GXYLT1: variants seen among roughly 807,000 people sequenced by gnomAD.
The protein encoded by GXYLT1 is glycosyltransferase 8 domain containing 3.
GXYLT1 carries 29 observed loss-of-function variants against 54.0 expected under a neutral mutation model. That is an observed-to-expected ratio of 0.54 (90% CI 0.40 to 0.73). The LOEUF (loss-of-function observed/expected upper bound fraction) is 0.73, where lower values mean the gene tolerates loss of function less well. GXYLT1 is among the 30% of genes least tolerant of loss of function. The pLI is 0.00. For missense variants in GXYLT1, 490 were observed against 553.4 expected, an observed-to-expected ratio of 0.89 and a Z score of 1.15; for synonymous variants, 176 against 204.1, an observed-to-expected ratio of 0.86 and a Z score of 1.17.
chr12:42,126,125 G>A (rs2065560350), intron 2 of GXYLT1, among the ~76,000 whole-genome samples: 1 of 150,780 alleles, frequency 6.6e-6, no homozygotes, highest in African/African-American at 2.5e-5. Context: ...TCAGGCTGGA[G>A]TGCAGCGGTG....
chr12:42,100,430 TTTTTAAAAATTA>T (rs1416089684), intron 5 of GXYLT1, among the ~76,000 whole-genome samples: 1 of 152,132 alleles, frequency 6.6e-6, no homozygotes, highest in African/African-American at 2.4e-5. Context: ...TACTGAAAAT[TTTTTAAAAATTA>T]ATCTTTTGCC....
At chr12:42,109,310 G>T (rs1024788506) in intron 4 of GXYLT1, among the ~76,000 whole-genome samples, 1 of 152,034 alleles carries the variant, frequency 6.6e-6, no homozygotes, top group African/African-American at 2.4e-5. Flanking sequence ...AGAGTTCACC[G>T]CAACTGAATA....
chr12:42,111,044 T>C (rs938933149), intron 3 of GXYLT1, among the ~76,000 whole-genome samples: 3 of 152,204 alleles, frequency 2.0e-5, no homozygotes, highest in Non-Finnish European at 2.9e-5. Context: ...GTTTTACTTT[T>C]CTATTATATT....
In GXYLT1 at chr12:42,144,841, G is replaced by A. The variant is rs1006114098; in HGVS notation, c.-195C>T. 1 of 365,290 alleles carries A rather than the reference G, an allele frequency of 2.7e-6. No homozygotes were observed. Among genetic ancestry groups the A allele is most frequent in the Non-Finnish European group, 4.9e-6 (1 of 204,772 alleles). The allele number at this position is 365,290 out of a possible 1,614,324, so 22.6% of individuals were successfully genotyped here. On this transcript the variant is annotated 5_prime_UTR_variant, in exon 1 of 8. Coordinates refer to ENST00000398675, the MANE Select transcript of GXYLT1 (RefSeq NM_173601.2). ...GCGCAGTCGCGGCTCCGGAGCCGAA[G>A]GACTACCCGCCCGGAAGCCTGGACA...
intron 4 of GXYLT1, among the ~76,000 whole-genome samples, chr12:42,106,599 A>C (rs1391227077): frequency 6.6e-6 from 1 of 152,150 alleles, no homozygotes; most frequent in Non-Finnish European, 1.5e-5. Flanking sequence ...GTCCCAACGA[A>C]TCAAAGCAAA....
intron 1 of GXYLT1, among the ~76,000 whole-genome samples, chr12:42,132,426 T>C (rs1452524185): frequency 6.6e-6 from 1 of 152,226 alleles, no homozygotes; most frequent in Non-Finnish European, 1.5e-5. Flanking sequence ...TTTTGAAAAT[T>C]TGTGTTTCTA....
intron 4 of GXYLT1, among the ~76,000 whole-genome samples, chr12:42,106,870 T>A (rs1217653056): frequency 6.6e-6 from 1 of 150,882 alleles, no homozygotes; most frequent in African/African-American, 2.4e-5. Context: ...CTCAGCCTCC[T>A]GAGTAACTGG....
chr12:42,103,322 A>G (rs1683198), intron 5 of GXYLT1, among the ~76,000 whole-genome samples: 120,070 of 151,764 alleles, frequency 0.79, 48,034 homozygotes, highest in African/African-American at 0.91. Flanking sequence ...AGCCACAAGT[A>G]GTAAGAACCA....
rs1368541901 is a variant in GXYLT1, at chr12:42,086,112, G to C, written c.*1674C>G. On this transcript the variant is annotated 3_prime_UTR_variant, in exon 8 of 8. Transcript: ENST00000398675. ...TCATTATTTGAGGACCATTAGAAAT[G>C]ATCTAATACATACCCTCCAAACTTC... 1.3e-5 allele frequency: 2 copies of C among 152,192 alleles called. No individual in the cohort carries two copies. The highest frequency in any genetic ancestry group is 2.9e-5 in the Non-Finnish European group (2 of 68,034). The allele number at this position is 152,192 out of a possible 1,614,324, so 9.4% of individuals were successfully genotyped here.
intron 1 of GXYLT1, among the ~76,000 whole-genome samples, chr12:42,134,842 C>G (rs1189577011): frequency 6.6e-6 from 1 of 152,210 alleles, no homozygotes; most frequent in Admixed American, 6.5e-5. Context: ...CTATTACCAA[C>G]TCCATATGCT....
At chr12:42,116,347 T>C (rs1023449866) in intron 3 of GXYLT1, among the ~76,000 whole-genome samples, 2 of 152,082 alleles carry the variant, frequency 1.3e-5, no homozygotes, top group Non-Finnish European at 2.9e-5. Context: ...ACCGGCAACC[T>C]ACAGAATGGG....
At chr12:42,103,672 A>G (rs1348328376) in intron 5 of GXYLT1, among the ~76,000 whole-genome samples, 13 of 152,044 alleles carry the variant, frequency 8.6e-5, no homozygotes, top group Admixed American at 5.9e-4. Flanking sequence ...AGCAAATCTG[A>G]GTATGTTCCC....
At chr12:42,118,293 A>G (rs887431345) in intron 3 of GXYLT1, among the ~76,000 whole-genome samples, 1 of 152,236 alleles carries the variant, frequency 6.6e-6, no homozygotes, top group African/African-American at 2.4e-5. Flanking sequence ...AAACCTTTAT[A>G]TAAGCTCTGA....
chr12:42,142,318 A>C (rs1171600442), intron 1 of GXYLT1, among the ~76,000 whole-genome samples: 2 of 151,486 alleles, frequency 1.3e-5, no homozygotes, highest in African/African-American at 4.9e-5. Flanking sequence ...ACCGTATCTC[A>C]TGGTGGCCAA....
intron 5 of GXYLT1, among the ~76,000 whole-genome samples, chr12:42,098,971 A>G (rs577345233): frequency 6.6e-6 from 1 of 152,084 alleles, no homozygotes; most frequent in South Asian, 2.1e-4. Context: ...GTCAAAGAAG[A>G]TTTGCTGAGG....
intron 5 of GXYLT1, among the ~76,000 whole-genome samples, chr12:42,105,122 G>C (rs762379173): frequency 5.9e-5 from 9 of 152,180 alleles, no homozygotes; most frequent in Non-Finnish European, 1.0e-4. Flanking sequence ...TCTGATTCCA[G>C]AGCAAGCAAA....
intron 7 of GXYLT1, among the ~76,000 whole-genome samples, chr12:42,095,281 T>A (rs2065349320): frequency 6.6e-6 from 1 of 152,296 alleles, no homozygotes; most frequent in Middle Eastern, 3.4e-3. Context: ...CCATGAAGAT[T>A]CACCTTCCAA....
intron 2 of GXYLT1, among the ~76,000 whole-genome samples, chr12:42,120,396 G>C (rs1337652329): frequency 1.3e-5 from 2 of 152,190 alleles, no homozygotes; most frequent in African/African-American, 2.4e-5. Flanking sequence ...TCAAACACTA[G>C]TATGTCTTTA....
chr12:42,093,792 C>T (rs2065341244), intron 7 of GXYLT1, among the ~76,000 whole-genome samples: 1 of 152,152 alleles, frequency 6.6e-6, no homozygotes, highest in East Asian at 1.9e-4. Context: ...CCCACCTTGG[C>T]CTCCCAAAGT....
Sources: gnomAD v4.1 joint callset for allele counts (sites outside exome capture counted in the v4.1 genomes callset) on GRCh38, gnomAD v4.1.1 for gene constraint, MANE v1.5 for transcripts, NCBI Gene and HGNC (gene_info 2026-07-23, HGNC 2026-07-21) for gene names.